Variants in PTPRD observed in about 807,000 individuals in gnomAD.
PTPRD encodes receptor-type tyrosine-protein phosphatase delta.
Under a neutral mutation model 214.5 loss-of-function variants are expected in PTPRD, and 34 were observed. The ratio of observed to expected loss-of-function variants is 0.16; its 90% CI spans 0.12 to 0.21. The LOEUF is 0.21. Among genes scored for constraint, PTPRD ranks in the 10% least tolerant of loss-of-function variants. PTPRD has a pLI of 1.00. For synonymous variants in PTPRD, 1,128 were observed against 845.7 expected (o/e 1.33, Z -5.79); for missense variants, 2,545 against 2,398.7 (o/e 1.06, Z -1.27).
intron 10 of PTPRD, among the ~76,000 whole-genome samples, chr9:9,081,926 C>T (rs550376083): frequency 3.3e-5 from 5 of 151,222 alleles, no homozygotes; most frequent in Non-Finnish European, 7.4e-5. Context: ...TAGTCAAATC[C>T]CTGAATAGAC....
intron 5 of PTPRD, among the ~76,000 whole-genome samples, chr9:9,907,169 T>TTG: frequency 6.6e-6 from 1 of 151,710 alleles, no homozygotes; most frequent in Non-Finnish European, 1.5e-5. Context: ...CTCCAGGTTT[T>TTG]TGTTTTGCGG....
At chr9:10,219,565 A>G (rs2099556455) in intron 3 of PTPRD, among the ~76,000 whole-genome samples, 1 of 151,828 alleles carries the variant, frequency 6.6e-6, no homozygotes, top group African/African-American at 2.4e-5. Context: ...AGTTGGGGGG[A>G]AAGGTCCCAG....
intron 39 of PTPRD, among the ~76,000 whole-genome samples, chr9:8,364,733 G>A (rs548412890): frequency 1.3e-5 from 2 of 152,282 alleles, no homozygotes; most frequent in East Asian, 3.9e-4. Flanking sequence ...CTTTGGCATC[G>A]CTCTACGATT....
At chr9:9,838,376 G>A (rs2057404331) in intron 5 of PTPRD, among the ~76,000 whole-genome samples, 1 of 151,934 alleles carries the variant, frequency 6.6e-6, no homozygotes, top group Non-Finnish European at 1.5e-5. Flanking sequence ...CTAGTTTACA[G>A]TCCCACCAAC....
intron 11 of PTPRD, among the ~76,000 whole-genome samples, chr9:8,777,127 G>A (rs547829663): frequency 2.6e-5 from 4 of 151,798 alleles, no homozygotes; most frequent in East Asian, 3.9e-4. Flanking sequence ...CTACAGGTGC[G>A]TGCCACCGCG....
At chr9:10,036,742 C>T (rs1167668725) in intron 3 of PTPRD, among the ~76,000 whole-genome samples, 2 of 151,876 alleles carry the variant, frequency 1.3e-5, no homozygotes, top group Non-Finnish European at 2.9e-5. Context: ...TGCCACCACA[C>T]CCCACTAATT....
chr9:8,850,398 C>T (rs989117056), intron 11 of PTPRD, among the ~76,000 whole-genome samples: 48 of 151,996 alleles, frequency 3.2e-4, no homozygotes, highest in Admixed American at 3.3e-4. Context: ...AGATGCCAAA[C>T]ATCAAATGGA....
chr9:9,011,088 G>A (rs1730598090), intron 11 of PTPRD, among the ~76,000 whole-genome samples: 1 of 152,090 alleles, frequency 6.6e-6, no homozygotes, highest in African/African-American at 2.4e-5. Context: ...TTACCTTAGA[G>A]ACTGTGTCTC....
rs1483628416 is a variant in PTPRD, at chr9:10,307,958, GATC to G, written c.-545+33002_-545+33004del. ...AATTGTTTGAGTTCCTTGTATTCTGGATCTTAGTTCCTTACAGGATGAATAGTT... is the reference window on the plus strand; with the variant it reads ...AATTGTTTGAGTTCCTTGTATTCTGGTTAGTTCCTTACAGGATGAATAGTT... On this transcript the variant is annotated intron_variant, in intron 3 of 45. Transcript: ENST00000381196. Among the ~76,000 whole-genome samples the G allele has an allele frequency of 3.3e-5, 5 of 151,820 alleles. No individual in the cohort carries two copies. The East Asian group carries it at 9.6e-4, about 29-fold the overall frequency.
chr9:9,845,687 C>G (rs547925691), intron 5 of PTPRD, among the ~76,000 whole-genome samples: 11 of 152,010 alleles, frequency 7.2e-5, no homozygotes, highest in African/African-American at 2.7e-4. Context: ...AGAATCTACC[C>G]ATACTCGAAA....
intron 11 of PTPRD, among the ~76,000 whole-genome samples, chr9:8,820,205 C>T (rs1219624273): frequency 3.3e-5 from 5 of 152,012 alleles, no homozygotes; most frequent in Non-Finnish European, 7.4e-5. Flanking sequence ...ACAAATAATA[C>T]AGGTGCAATT....
intron 8 of PTPRD, among the ~76,000 whole-genome samples, chr9:9,554,043 T>G (rs1444793437): frequency 6.6e-6 from 1 of 152,040 alleles, no homozygotes; most frequent in Non-Finnish European, 1.5e-5. Flanking sequence ...TTTATGAACA[T>G]TTTATTATGG....
chr9:8,735,212 C>T (rs960883927), intron 11 of PTPRD, among the ~76,000 whole-genome samples: 2 of 148,122 alleles, frequency 1.4e-5, no homozygotes, highest in East Asian at 2.0e-4. Flanking sequence ...GGTACAATCA[C>T]GGCTCACTGC....
chr9:8,339,183 C>T, intron 42 of PTPRD, 136 bp from the exon 43 acceptor site: 4 of 868,554 alleles, frequency 4.6e-6, no homozygotes, highest in South Asian at 2.5e-5. Context: ...ATTCCAATTG[C>T]ATATGACTCA....
At chr9:10,251,453 G>A (rs1235787549) in intron 3 of PTPRD, among the ~76,000 whole-genome samples, 1 of 151,622 alleles carries the variant, frequency 6.6e-6, no homozygotes, top group African/African-American at 2.4e-5. Context: ...TCGAGGTTAA[G>A]AGTTGGGCTC....
At chr9:8,330,786 A>G (rs1411358025) in intron 44 of PTPRD, among the ~76,000 whole-genome samples, 1 of 152,132 alleles carries the variant, frequency 6.6e-6, no homozygotes, top group Non-Finnish European at 1.5e-5. Flanking sequence ...CTATGTCGTA[A>G]AGAACTATAG....
At chr9:9,156,947 G>A (rs946100592) in intron 10 of PTPRD, among the ~76,000 whole-genome samples, 2 of 152,108 alleles carry the variant, frequency 1.3e-5, no homozygotes, top group Non-Finnish European at 2.9e-5. Context: ...TGCTTCTTAG[G>A]AACAATTCCA....
intron 5 of PTPRD, among the ~76,000 whole-genome samples, chr9:9,813,876 T>G (rs988753801): frequency 7.1e-6 from 1 of 140,202 alleles, no homozygotes; most frequent in African/African-American, 2.8e-5. Flanking sequence ...ATTAGCAAAT[T>G]TAATTCATCA....
chr9:9,068,698 G>A (rs1038244294), intron 10 of PTPRD, among the ~76,000 whole-genome samples: 7 of 152,080 alleles, frequency 4.6e-5, no homozygotes, highest in South Asian at 2.1e-4. Flanking sequence ...TGCAGTCTCC[G>A]TCTCCCTGGT....
Sources: gnomAD v4.1 joint callset for allele counts (sites outside exome capture counted in the v4.1 genomes callset) on GRCh38, gnomAD v4.1.1 for gene constraint, MANE v1.5 for transcripts, NCBI Gene and HGNC (gene_info 2026-07-23, HGNC 2026-07-21) for gene names.